ALK: variants seen among roughly 807,000 people sequenced by gnomAD.
ALK encodes ALK receptor tyrosine kinase, also known as ALK tyrosine kinase receptor.
ALK carries 74 observed loss-of-function variants against 163.1 expected under a neutral mutation model. The observed-to-expected ratio is 0.45, with a 90% CI of 0.38 to 0.55. The LOEUF is 0.55. Ranked by LOEUF, ALK falls within the 20% of genes least tolerant of loss-of-function variation. The pLI is 0.00. For missense variants in ALK, 2,063 were observed against 2,105.3 expected, an observed-to-expected ratio of 0.98 and a Z score of 0.39; for synonymous variants, 960 against 843.2, an observed-to-expected ratio of 1.14 and a Z score of -2.40.
chr2:29,901,903 A>T (rs1188208951), intron 1 of ALK, among the ~76,000 whole-genome samples: 1 of 152,052 alleles, frequency 6.6e-6, no homozygotes, highest in Admixed American at 6.6e-5. Flanking sequence ...GTGTGGATCA[A>T]CAGGAAGAAC....
chr2:29,377,437 T>C (rs988309498), intron 5 of ALK, among the ~76,000 whole-genome samples: 2 of 145,428 alleles, frequency 1.4e-5, no homozygotes, highest in Non-Finnish European at 3.0e-5. Flanking sequence ...ATGGCGCCAC[T>C]GTACTCCAGC....
intron 9 of ALK, among the ~76,000 whole-genome samples, chr2:29,288,995 T>G (rs71444419): frequency 0.012 from 1,721 of 142,226 alleles, 60 homozygotes; most frequent in African/African-American, 0.027. Context: ...AATAAATAAA[T>G]AAATAAAAGA....
intron 5 of ALK, among the ~76,000 whole-genome samples, chr2:29,343,313 A>G (rs1356268209): frequency 1.4e-5 from 2 of 146,430 alleles, no homozygotes; most frequent in Admixed American, 7.0e-5. Context: ...GGCTCAAGTG[A>G]TCCTCCCATC....
intron 22 of ALK, 30 bp downstream of exon 22, chr2:29,222,314 T>A: frequency 6.2e-7 from 1 of 1,608,198 alleles, no homozygotes; most frequent in African/African-American, 1.3e-5. Context: ...AGAGGGGAGT[T>A]GGGGTGAGGG....
At chr2:29,695,200 C>T (rs1678518704) in intron 2 of ALK, among the ~76,000 whole-genome samples, 186 bp from the exon 3 acceptor site, 1 of 152,186 alleles carries the variant, frequency 6.6e-6, no homozygotes, top group African/African-American at 2.4e-5. Flanking sequence ...ATAAAATGTG[C>T]TCTTTCTGTA....
chr2:29,343,429 G>A (rs1193558022), intron 5 of ALK, among the ~76,000 whole-genome samples: 23 of 151,292 alleles, frequency 1.5e-4, no homozygotes, highest in Admixed American at 1.5e-3. Context: ...TGCCCAGTCT[G>A]ATCTTGAACT....
chr2:29,508,635 A>G (rs970083612), intron 4 of ALK, among the ~76,000 whole-genome samples: 1 of 149,538 alleles, frequency 6.7e-6, no homozygotes, highest in African/African-American at 2.5e-5. Context: ...AACATGGCAC[A>G]TGTATACATA....
intron 3 of ALK, among the ~76,000 whole-genome samples, chr2:29,575,424 A>T (rs1427451474): frequency 6.6e-6 from 1 of 152,016 alleles, no homozygotes; most frequent in Non-Finnish European, 1.5e-5. Context: ...TAGGCTTCCT[A>T]CCCCCACTGC....
chr2:29,709,242 A>G (rs1372392348), intron 2 of ALK, among the ~76,000 whole-genome samples: 1 of 152,206 alleles, frequency 6.6e-6, no homozygotes. Context: ...CAACCAAATT[A>G]AGTCCAGCTC....
intron 1 of ALK, among the ~76,000 whole-genome samples, chr2:29,744,033 C>T (rs970243612): frequency 2.6e-5 from 4 of 151,852 alleles, no homozygotes; most frequent in Admixed American, 2.0e-4. Flanking sequence ...GTTTCCATGC[C>T]ACTGCATGCA....
chr2:29,524,732 A>T (rs570835680), intron 4 of ALK, among the ~76,000 whole-genome samples: 1 of 152,340 alleles, frequency 6.6e-6, no homozygotes, highest in South Asian at 2.1e-4. Flanking sequence ...TATGTGAAGT[A>T]CAAAGAGAAT....
chr2:29,300,556 A>C (rs1186820702), intron 8 of ALK, among the ~76,000 whole-genome samples: 1 of 23,018 alleles, frequency 4.3e-5, no homozygotes, highest in Non-Finnish European at 1.6e-4. Flanking sequence ...CTCTGTCTCA[A>C]AAAAAAAAAA....
chr2:29,734,850 AT>A (rs572806310), intron 1 of ALK, among the ~76,000 whole-genome samples: 289 of 152,202 alleles, frequency 1.9e-3, no homozygotes, highest in Middle Eastern at 0.01. Context: ...TTTAAATACA[AT>A]TTAAAATATA....
chr2:29,791,892 C>A (rs942065309), intron 1 of ALK, among the ~76,000 whole-genome samples: 2 of 152,096 alleles, frequency 1.3e-5, no homozygotes, highest in Admixed American at 6.6e-5. Flanking sequence ...TTTCTCTAAA[C>A]AATCGGGTGA....
intron 3 of ALK, among the ~76,000 whole-genome samples, chr2:29,614,350 C>G (rs1187181374): frequency 6.6e-6 from 1 of 152,222 alleles, no homozygotes; most frequent in African/African-American, 2.4e-5. Context: ...CACATCACTA[C>G]TGAAAGTTTC....
intron 3 of ALK, among the ~76,000 whole-genome samples, chr2:29,633,309 G>C (rs1676433134): frequency 6.6e-6 from 1 of 152,162 alleles, no homozygotes; most frequent in Middle Eastern, 3.4e-3. Context: ...AGGAGGTGTG[G>C]GAGAGATTTA....
intron 1 of ALK, among the ~76,000 whole-genome samples, chr2:29,918,604 C>T (rs552698211): frequency 1.1e-4 from 17 of 152,208 alleles, no homozygotes; most frequent in East Asian, 3.9e-4. Context: ...AATGTGCATC[C>T]GCACTCTGTT....
intron 11 of ALK, among the ~76,000 whole-genome samples, chr2:29,251,775 T>G (rs185436358): frequency 6.6e-6 from 1 of 152,320 alleles, no homozygotes; most frequent in African/African-American, 2.4e-5. Flanking sequence ...GCATTGCCTA[T>G]AGGAGCCTCT....
At chr2:29,877,694 C>G (rs940388628) in intron 1 of ALK, among the ~76,000 whole-genome samples, 3 of 152,204 alleles carry the variant, frequency 2.0e-5, no homozygotes, top group Admixed American at 2.0e-4. Context: ...AGCAGCATAT[C>G]ATGGGTGACG....
Sources: allele counts gnomAD v4.1 joint callset (sites outside exome capture counted in the v4.1 genomes callset), GRCh38; gene constraint gnomAD v4.1.1; transcripts MANE v1.5; gene names NCBI Gene and HGNC (gene_info 2026-07-23, HGNC 2026-07-21).